Variants in PCM1 observed in about 807,000 individuals in gnomAD.
PCM1 encodes the protein pericentriolar material 1, also known as pericentriolar material 1 protein.
Under a neutral mutation model 241.9 loss-of-function variants are expected in PCM1, and 157 were observed. That is an observed-to-expected ratio of 0.65 (90% CI 0.57 to 0.74). The LOEUF (loss-of-function observed/expected upper bound fraction) is 0.74. PCM1 is among the 30% of genes least tolerant of loss of function. The pLI, the probability that PCM1 is intolerant of heterozygous loss-of-function variation, is 0.00. For synonymous variants in PCM1, 1,085 were observed against 784.9 expected (o/e 1.38, Z -6.39); for missense variants, 3,478 against 2,360.1 (o/e 1.47, Z -9.81).
chr8:17,991,445 C>G, intron 27 of PCM1, 97 bp from the exon 28 acceptor site: 6 of 986,554 alleles, frequency 6.1e-6, no homozygotes, highest in Non-Finnish European at 8.9e-6. Flanking sequence ...TAATTTTCCT[C>G]CCTTTTGTTT....
At chr8:17,977,597 C>A (rs2079205729) in intron 23 of PCM1, among the ~76,000 whole-genome samples, 1 of 152,094 alleles carries the variant, frequency 6.6e-6, no homozygotes, top group South Asian at 2.1e-4. Flanking sequence ...CCTTGCAATT[C>A]CTCCTGTTAT....
chr8:18,006,082 C>T (rs550337575), intron 29 of PCM1, 181 bp from the exon 30 acceptor site: 121 of 540,756 alleles, frequency 2.2e-4, no homozygotes, highest in African/African-American at 2.1e-3. Context: ...CCTCTCAATA[C>T]GTATGAATAA....
At chr8:17,931,118 ATC>A (rs937695530) in intron 2 of PCM1, among the ~76,000 whole-genome samples, 7 of 152,210 alleles carry the variant, frequency 4.6e-5, no homozygotes, top group Non-Finnish European at 1.0e-4. Flanking sequence ...TAAAAAAATC[ATC>A]TGTTTTTCCC....
intron 13 of PCM1, among the ~76,000 whole-genome samples, chr8:17,958,391 T>C (rs73571737): frequency 1.6e-4 from 25 of 152,308 alleles, no homozygotes; most frequent in African/African-American, 5.8e-4. Context: ...TTTATACATA[T>C]TTTGTATTAT....
At chr8:17,978,727 TAAAG>T (rs988307639) in intron 23 of PCM1, among the ~76,000 whole-genome samples, 6 of 151,656 alleles carry the variant, frequency 4.0e-5, no homozygotes, top group East Asian at 1.9e-4. Context: ...CAGGGGAAGA[TAAAG>T]AAGACAGAGA....
intron 29 of PCM1, among the ~76,000 whole-genome samples, chr8:17,999,414 A>C (rs757898647): frequency 6.6e-6 from 1 of 152,018 alleles, no homozygotes. Flanking sequence ...CCTTTAAGGC[A>C]GTGGGTTTCC....
intron 29 of PCM1, among the ~76,000 whole-genome samples, 200 bp downstream of exon 29, chr8:17,993,819 A>G (rs1238117462): frequency 6.6e-5 from 10 of 152,020 alleles, no homozygotes; most frequent in Non-Finnish European, 1.0e-4. Context: ...TGCCTTTTTC[A>G]TTTACTATAT....
chr8:18,000,834 G>A (rs1320684676), intron 29 of PCM1, among the ~76,000 whole-genome samples: 2 of 152,050 alleles, frequency 1.3e-5, no homozygotes, highest in African/African-American at 4.8e-5. Flanking sequence ...TGTTGACCAC[G>A]CTGACCTCAA....
At chr8:17,993,440 A>T in intron 28 of PCM1, 43 bp from the exon 29 acceptor site, 1 of 1,416,146 alleles carries the variant, frequency 7.1e-7, no homozygotes, top group Non-Finnish European at 9.6e-7. Context: ...ATGTATATAT[A>T]ATAGGCTTTG....
chr8:17,996,441 T>C (rs1019733593), intron 29 of PCM1, among the ~76,000 whole-genome samples: 2 of 152,112 alleles, frequency 1.3e-5, no homozygotes, highest in African/African-American at 4.8e-5. Context: ...GAGGTATCGG[T>C]TGTAATGTCT....
intron 24 of PCM1, 46 bp from the exon 25 acceptor site, chr8:17,985,401 A>C: frequency 6.7e-6 from 9 of 1,333,732 alleles, no homozygotes; most frequent in Non-Finnish European, 8.2e-6. Context: ...AGTTGTCATG[A>C]AGGTACTTCA....
rs2075178409 is a variant in PCM1 at position 17,967,167 on chromosome 8, C to T, written c.3409C>T (p.Pro1137Ser). The T allele has an allele frequency of 1.9e-6, 3 of 1,581,576 alleles. No homozygotes were observed. The highest frequency in any genetic ancestry group is 1.3e-5 in the African/African-American group (1 of 74,410). ...PGFTNFSSFA[P>S]GMNFSPLFPS... ...ATTTACTAACTTTTCATCATTTGCA[C>T]CAGGTAGGTGACTTAACCTAAAGAG... is the stretch of plus-strand genomic sequence containing the variant. The change falls in exon 21 of 39, where the codon CCA (proline) becomes TCA (serine). Residue 1137 changes from proline to serine, a missense_variant. Physicochemically the swap from Pro to Ser is moderately conservative, Grantham distance 74. Coordinates refer to ENST00000325083, the MANE Select transcript of PCM1 (RefSeq NM_006197.4).
chr8:17,947,954 A>T (rs763780173), intron 7 of PCM1, among the ~76,000 whole-genome samples: 59 of 152,114 alleles, frequency 3.9e-4, no homozygotes, highest in Non-Finnish European at 5.6e-4. Context: ...GTTGTGTTGA[A>T]TTTCTTAGTA....
chr8:17,957,100 G>A (rs2068883660), intron 11 of PCM1, among the ~76,000 whole-genome samples, 164 bp from the exon 12 acceptor site: 1 of 152,158 alleles, frequency 6.6e-6, no homozygotes, highest in Non-Finnish European at 1.5e-5. Flanking sequence ...TAGCACATAT[G>A]CAGAAGTTAA....
chr8:17,944,414 A>G (rs2063145206), intron 6 of PCM1, among the ~76,000 whole-genome samples: 1 of 152,176 alleles, frequency 6.6e-6, no homozygotes, highest in South Asian at 2.1e-4. Flanking sequence ...GAAGCTGTCA[A>G]AATACATTAG....
In PCM1 at chr8:18,006,265, G is replaced by A. The variant is rs1169395891; in HGVS notation, c.4830G>A (p.Glu1610=). The A allele has an allele frequency of 1.9e-6, 3 of 1,603,340 alleles. No homozygotes were observed. The South Asian group carries it at 3.4e-5, about 18-fold the overall frequency. The change falls in exon 30 of 39, where the codon GAG becomes GAA. Residue 1610 remains glutamate (E), a splice_region_variant and synonymous_variant. Transcript: ENST00000325083. ...IMKEVIPFLK[E]HMDEVCSSQL... Reference sequence around the variant, plus strand: ...TAACCAACTAGGATTTTTCTCAGGAGCACATGGATGAAGTATGCTCCTCGC... The same window carrying A: ...TAACCAACTAGGATTTTTCTCAGGAACACATGGATGAAGTATGCTCCTCGC...
At chr8:18,019,657 A>G (rs1017794624) in intron 36 of PCM1, among the ~76,000 whole-genome samples, 6 of 152,164 alleles carry the variant, frequency 3.9e-5, no homozygotes, top group Admixed American at 1.3e-4. Context: ...AAGCTCCTAC[A>G]AGAATCTGTT....
intron 28 of PCM1, among the ~76,000 whole-genome samples, chr8:17,992,179 A>C (rs535312175): frequency 6.6e-6 from 1 of 152,190 alleles, no homozygotes; most frequent in Non-Finnish European, 1.5e-5. Context: ...ATATTTTGCA[A>C]CTGCAGATTG....
At chr8:17,993,337 A>T (rs2085453894) in intron 28 of PCM1, 146 bp from the exon 29 acceptor site, 1 of 451,410 alleles carries the variant, frequency 2.2e-6, no homozygotes. Context: ...TTTAATTGAT[A>T]GGGGTGCTTA....
Sources: allele counts gnomAD v4.1 joint callset (sites outside exome capture counted in the v4.1 genomes callset), GRCh38; gene constraint gnomAD v4.1.1; transcripts MANE v1.5; gene names NCBI Gene and HGNC (gene_info 2026-07-23, HGNC 2026-07-21).